STK3: variants seen among roughly 807,000 people sequenced by gnomAD.
STK3 encodes the protein serine/threonine kinase 3.
In STK3, 41 loss-of-function variants were observed where a neutral mutation model predicts 58.0. That is an observed-to-expected ratio of 0.71 (90% CI 0.55 to 0.92). The LOEUF is 0.92. Among genes scored for constraint, STK3 ranks in the 40% least tolerant of loss-of-function variants. STK3 has a pLI of 0.00. For missense variants in STK3, 479 were observed against 602.7 expected, an observed-to-expected ratio of 0.79 and a Z score of 2.15; for synonymous variants, 170 against 191.0, an observed-to-expected ratio of 0.89 and a Z score of 0.91.
chr8:98,623,654 T>C (rs1255046322), intron 6 of STK3, among the ~76,000 whole-genome samples: 1 of 152,128 alleles, frequency 6.6e-6, no homozygotes, highest in African/African-American at 2.4e-5. Context: ...CATGGTGGTG[T>C]GCACCTGTAG....
intron 1 of STK3, among the ~76,000 whole-genome samples, chr8:98,906,670 A>T (rs529040537): frequency 1.3e-5 from 2 of 152,394 alleles, no homozygotes; most frequent in South Asian, 4.1e-4. Flanking sequence ...TGTTATTTTT[A>T]AAAATTGCCT....
intron 6 of STK3, among the ~76,000 whole-genome samples, chr8:98,679,972 T>G (rs1319122325): frequency 1.3e-5 from 2 of 152,208 alleles, no homozygotes; most frequent in African/African-American, 4.8e-5. Flanking sequence ...TAAGGTACCC[T>G]GAGATCATAT....
At chr8:98,582,172 T>A (rs912054320) in intron 7 of STK3, among the ~76,000 whole-genome samples, 1 of 152,146 alleles carries the variant, frequency 6.6e-6, no homozygotes, top group Non-Finnish European at 1.5e-5. Context: ...TCTCATTACT[T>A]TAGGTGGTTT....
At chr8:98,730,714 T>A (rs954914401) in intron 4 of STK3, among the ~76,000 whole-genome samples, 2 of 52,660 alleles carry the variant, frequency 3.8e-5, no homozygotes, top group African/African-American at 1.8e-4. Flanking sequence ...AGACTCCGTC[T>A]CAAAAAAAAA....
Position 98,610,526 on chromosome 8 carries a change from G to A in STK3, c.685-14357C>T, listed in dbSNP as rs185983591. The stretch of plus-strand genomic sequence containing the variant: ...CCACCTCTGACTCCTAAAACAGTGC[G>A]GCACACACGTCTTAGCTCTATCCCA... On this transcript the variant is annotated intron_variant, in intron 6 of 10. Coordinates refer to ENST00000419617, the MANE Select transcript of STK3 (RefSeq NM_006281.4). Among the ~76,000 whole-genome samples the A allele has an allele frequency of 4.3e-3, 650 of 152,174 alleles. 4 individuals carry two copies. The highest frequency in any genetic ancestry group is 0.015 in the African/African-American group (616 of 41,518).
intron 1 of STK3, among the ~76,000 whole-genome samples, chr8:98,805,451 T>G (rs561435926): frequency 1.3e-5 from 2 of 152,040 alleles, no homozygotes. Flanking sequence ...GGCGGGTGCC[T>G]GTAATCCCAG....
At chr8:98,890,914 A>G (rs1457464056) in intron 1 of STK3, among the ~76,000 whole-genome samples, 1 of 152,210 alleles carries the variant, frequency 6.6e-6, no homozygotes, top group Non-Finnish European at 1.5e-5. Flanking sequence ...TTGAAGAACG[A>G]TATCATTTTA....
intron 3 of STK3, among the ~76,000 whole-genome samples, chr8:98,875,043 C>T (rs111477458): frequency 1.2e-3 from 181 of 152,282 alleles, no homozygotes; most frequent in African/African-American, 4.1e-3. Context: ...AGTGTTTGCA[C>T]TACATATTTT....
chr8:98,778,574 T>C (rs1831875460), intron 1 of STK3, among the ~76,000 whole-genome samples: 2 of 152,134 alleles, frequency 1.3e-5, no homozygotes, highest in South Asian at 2.1e-4. Flanking sequence ...TAAAGACACA[T>C]GCACACGTAT....
chr8:98,757,980 A>G (rs1830399405), intron 3 of STK3, among the ~76,000 whole-genome samples: 1 of 152,246 alleles, frequency 6.6e-6, no homozygotes, highest in Non-Finnish European at 1.5e-5. Context: ...TAGATGTTCT[A>G]ACATCTGTTT....
chr8:98,698,636 TG>T (rs1825221865), intron 6 of STK3, among the ~76,000 whole-genome samples: 1 of 152,218 alleles, frequency 6.6e-6, no homozygotes, highest in Non-Finnish European at 1.5e-5. Context: ...TTAGTTTGGC[TG>T]GATATGAAAT....
intron 1 of STK3, among the ~76,000 whole-genome samples, chr8:98,380,080 G>A (rs1817716668): frequency 6.6e-6 from 1 of 152,176 alleles, no homozygotes; most frequent in Admixed American, 6.5e-5. Context: ...TCCACTTTAT[G>A]AGGTATCTAA....
At chr8:98,423,687 G>T in intron 3 of STK3, among the ~76,000 whole-genome samples, 1 of 152,196 alleles carries the variant, frequency 6.6e-6, no homozygotes, top group East Asian at 1.9e-4. Flanking sequence ...AAACACCAGG[G>T]GGAAGGTCAA....
chr8:98,783,388 A>C (rs953109288), intron 1 of STK3, among the ~76,000 whole-genome samples: 25 of 152,228 alleles, frequency 1.6e-4, no homozygotes, highest in African/African-American at 5.8e-4. Context: ...TATCTCATGT[A>C]CCCAATATAT....
intron 6 of STK3, among the ~76,000 whole-genome samples, chr8:98,684,329 A>T (rs574102564): frequency 3.9e-4 from 59 of 152,270 alleles, no homozygotes; most frequent in African/African-American, 1.4e-3. Flanking sequence ...GCACAGAAAC[A>T]GTAATTCCTT....
chr8:98,612,411 A>G (rs906417944), intron 6 of STK3, among the ~76,000 whole-genome samples: 5 of 149,954 alleles, frequency 3.3e-5, no homozygotes, highest in Admixed American at 2.7e-4. Flanking sequence ...ACACACACAC[A>G]TATGAATTCT....
At chr8:98,401,155 C>T (rs534987639), downstream of STK3, among the ~76,000 whole-genome samples, 11 of 152,214 alleles carry the variant, frequency 7.2e-5, no homozygotes, top group African/African-American at 1.2e-4. Context: ...TGAAGATGCC[C>T]GGCTGCCAGC....
At chr8:98,662,835 C>A (rs937166923) in intron 6 of STK3, among the ~76,000 whole-genome samples, 2 of 152,044 alleles carry the variant, frequency 1.3e-5, no homozygotes, top group Non-Finnish European at 2.9e-5. Flanking sequence ...CTCCCCCAAC[C>A]CCACAACAGG....
chr8:98,426,449 G>T (rs547726911), intron 3 of STK3, among the ~76,000 whole-genome samples: 2 of 152,274 alleles, frequency 1.3e-5, no homozygotes, highest in African/African-American at 4.8e-5. Flanking sequence ...CACAAACTGT[G>T]CCCACACAGA....
Sources: allele counts gnomAD v4.1 joint callset (sites outside exome capture counted in the v4.1 genomes callset), GRCh38; gene constraint gnomAD v4.1.1; transcripts MANE v1.5; gene names NCBI Gene and HGNC (gene_info 2026-07-23, HGNC 2026-07-21).